Variants in MOV10L1 observed in about 807,000 individuals in gnomAD.
MOV10L1 encodes the protein RNA helicase Mov10l1.
Under a neutral mutation model 143.8 loss-of-function variants are expected in MOV10L1, and 110 were observed. That is an observed-to-expected ratio of 0.76 (90% CI 0.66 to 0.90). The LOEUF (loss-of-function observed/expected upper bound fraction) is 0.90. Ranked by LOEUF, MOV10L1 falls within the 40% of genes least tolerant of loss-of-function variation. The pLI, the probability that MOV10L1 is intolerant of heterozygous loss-of-function variation, is 0.00. For missense variants in MOV10L1, 1,406 were observed against 1,526.8 expected (o/e 0.92, Z 1.32); for synonymous variants, 593 against 581.1 (o/e 1.02, Z -0.29).
chr22:50,099,036 T>A (rs889791902), intron 2 of MOV10L1, among the ~76,000 whole-genome samples: 3 of 152,240 alleles, frequency 2.0e-5, no homozygotes, highest in Admixed American at 2.0e-4. Context: ...TATAATCCTT[T>A]TAATATGCTG....
chr22:50,128,470 A>G lies in MOV10L1; in HGVS notation c.1873A>G (p.Asn625Asp), dbSNP rs2062576738. Reference protein sequence around the residue: ...KINPEFEQAYNFEPMDVEFTY... With the variant: ...KINPEFEQAYDFEPMDVEFTY... ...TAATCCAGAATTTGAACAAGCCTATAACTTTGAACCTATGGATGTGGAATT... is the reference window on the plus strand; with the variant it reads ...TAATCCAGAATTTGAACAAGCCTATGACTTTGAACCTATGGATGTGGAATT... Residue 625 changes from asparagine (N) to aspartate (D), a missense_variant, in exon 13 of 27, where the codon AAC becomes GAC. Around this residue, in one of 3 missense-constraint regions of MOV10L1, gnomAD observed 1,233 missense variants for 1,351.4 expected, o/e 0.91. Coordinates refer to ENST00000262794, the MANE Select transcript of MOV10L1 (RefSeq NM_018995.3). The G allele has an allele frequency of 1.3e-6, 2 of 1,559,864 alleles. No individual in the cohort carries two copies. The highest frequency in any genetic ancestry group is 1.8e-6 in the Non-Finnish European group (2 of 1,134,724).
At chr22:50,150,549 G>A (rs972925547) in intron 20 of MOV10L1, among the ~76,000 whole-genome samples, 186 bp from the exon 21 acceptor site, 1 of 152,230 alleles carries the variant, frequency 6.6e-6, no homozygotes, top group African/African-American at 2.4e-5. Context: ...CAGGACTTCA[G>A]GGGGAAGCGG....
chr22:50,150,941 A>G (rs1385815013), intron 21 of MOV10L1, 42 bp downstream of exon 21: 3 of 1,611,850 alleles, frequency 1.9e-6, no homozygotes, highest in South Asian at 1.1e-5. Context: ...CCAGCTAAGC[A>G]GACACAGGCT....
intron 24 of MOV10L1, among the ~76,000 whole-genome samples, chr22:50,160,292 G>T (rs2147036126): frequency 6.7e-6 from 1 of 148,810 alleles, no homozygotes; most frequent in South Asian, 2.1e-4. Context: ...TGTCGCCCAG[G>T]CTGGAGTGCA....
At position 50,115,117 on chromosome 22, in the gene MOV10L1, A is replaced by C. The variant is rs1408249874; in HGVS notation, c.1130A>C (p.Asp377Ala). 1.9e-6 allele frequency: 3 copies of C among 1,566,982 alleles called. No homozygotes were observed. Among genetic ancestry groups the C allele is most frequent in the Non-Finnish European group, 2.6e-6 (3 of 1,165,512 alleles). ...GTATTAAAATTTTATTTCCCAGGTG[A>C]TTGTACCTGTAAAGGAGAAAATGGA... ...LVNNRGISPG[D>A]CTCKGENGEK... The change falls in exon 8 of 27, where the codon GAT (aspartate) becomes GCT (alanine). Residue 377 changes from aspartate (D) to alanine (A), a missense_variant. By Grantham distance (126) the Asp-to-Ala change is moderately radical. Around this residue, in one of 3 missense-constraint regions of MOV10L1, gnomAD observed 1,233 missense variants for 1,351.4 expected, o/e 0.91. Transcript: ENST00000262794.
Position 50,099,551 on chromosome 22 carries a change from G to A in MOV10L1, c.391G>A (p.Ala131Thr), listed in dbSNP as rs140532446. Residue 131 changes from alanine to threonine, a missense_variant, in exon 3 of 27, where the codon GCA becomes ACA. By Grantham distance (58) the Ala-to-Thr change is moderately conservative (BLOSUM62 0). Transcript: ENST00000262794. ...CTGTGTGACTTCCCTGGTGGAGGGC[G>A]CAGGCTGTATCAGTCAGACCACCTA... is the stretch of plus-strand genomic sequence containing the variant. ...IGCVTSLVEG[A>T]GCISQTTYFS... 6.1e-3 allele frequency: 9,924 copies of A among 1,614,188 alleles called. 56 individuals are homozygous for A. The highest frequency in any genetic ancestry group is 0.012 in the South Asian group (1,079 of 91,074).
chr22:50,125,504 G>A lies in MOV10L1; in HGVS notation c.1682G>A (p.Arg561Lys). ...AACATGAGCGGGATCATCTTAAGAA[G>A]GAATGGGGATCTGCTGGTTCTGGAG... ...EYNMSGIILR[R>K]NGDLLVLEVP... The change falls in exon 11 of 27, where the codon AGG becomes AAG. Residue 561 changes from arginine (R) to lysine (K), a missense_variant. Arg to Lys is a conservative substitution (Grantham distance 26). This residue lies in a region of MOV10L1 where 1,233 missense variants were observed against 1,351.4 expected (regional missense o/e 0.91). Transcript: ENST00000262794. The A allele has an allele frequency of 6.2e-7, 1 of 1,614,200 alleles. No homozygotes were observed. The highest frequency in any genetic ancestry group is 8.5e-7 in the Non-Finnish European group (1 of 1,180,036).
In MOV10L1 at chr22:50,145,558, G is replaced by A; in HGVS notation, c.2506-131G>A. The A allele has an allele frequency of 2.6e-6, 3 of 1,154,294 alleles. No individual in the cohort carries two copies. The East Asian group carries it at 7.2e-5, about 28-fold the overall frequency. 71.5% of individuals were successfully genotyped at this position (1,154,294 alleles called of 1,614,324 possible). ...GGACTGAATTGATAAGGAAGTATGA[G>A]ATATTTTGAGAAAAAAACCTTAAAT... On this transcript the variant is annotated intron_variant, in intron 18 of 26. Transcript: ENST00000262794.
intron 22 of MOV10L1, among the ~76,000 whole-genome samples, chr22:50,154,297 C>T (rs996889051): frequency 6.6e-6 from 1 of 152,152 alleles, no homozygotes; most frequent in Non-Finnish European, 1.5e-5. Context: ...AGGGGCTCAC[C>T]TGTAACCCCA....
intron 19 of MOV10L1, among the ~76,000 whole-genome samples, chr22:50,148,933 G>C (rs1461973090): frequency 6.6e-6 from 1 of 152,186 alleles, no homozygotes; most frequent in Non-Finnish European, 1.5e-5. Flanking sequence ...CAAAGTGCTG[G>C]CATTACAGGC....
intron 16 of MOV10L1, among the ~76,000 whole-genome samples, chr22:50,142,553 G>A (rs1569031648): frequency 6.6e-6 from 1 of 152,064 alleles, no homozygotes; most frequent in South Asian, 2.1e-4. Context: ...GACAGGTTGA[G>A]TGCAGGGCTC....
intron 6 of MOV10L1, 87 bp downstream of exon 6, chr22:50,113,875 C>T (rs970140067): frequency 6.7e-5 from 66 of 981,116 alleles, no homozygotes; most frequent in South Asian, 5.2e-4. Flanking sequence ...ACCAACTTTA[C>T]TTTGGTCATT....
intron 15 of MOV10L1, among the ~76,000 whole-genome samples, chr22:50,141,643 G>T (rs937571080): frequency 6.6e-6 from 1 of 152,016 alleles, no homozygotes; most frequent in Non-Finnish European, 1.5e-5. Context: ...CCGGCCTGGT[G>T]CAGGATCTTG....
In MOV10L1 at chr22:50,120,567, G is replaced by C. The variant is rs765107027; in HGVS notation, c.1520G>C (p.Cys507Ser). 6.2e-7 allele frequency: 1 copy of C among 1,613,828 alleles called. No homozygotes were observed. The highest frequency in any genetic ancestry group is 8.5e-7 in the Non-Finnish European group (1 of 1,179,848). ...CCAATCCCAGATAGACTTAGAAAAT[G>C]TGTGGAACAAAAAATTGACATCCTG... is the stretch of plus-strand genomic sequence containing the variant. ...QYPIPDRLRK[C>S]VEQKIDILTF... The change falls in exon 10 of 27, where the codon TGT (cysteine) becomes TCT (serine). Residue 507 changes from cysteine (C) to serine (S), a missense_variant. Cys to Ser is a moderately radical substitution (Grantham distance 112, BLOSUM62 -1). Transcript: ENST00000262794.
At chr22:50,141,495 ATTT>A (rs56881561) in intron 15 of MOV10L1, among the ~76,000 whole-genome samples, 3 of 138,146 alleles carry the variant, frequency 2.2e-5, no homozygotes, top group African/African-American at 5.3e-5. Flanking sequence ...TGCCCGGCTA[ATTT>A]TTTTTTTTTT....
chr22:50,148,582 C>G (rs927116344), intron 19 of MOV10L1, among the ~76,000 whole-genome samples: 1 of 152,080 alleles, frequency 6.6e-6, no homozygotes, highest in African/African-American at 2.4e-5. Flanking sequence ...GAGGGCTGCT[C>G]TGTAGCTGGG....
At chr22:50,154,827 G>A (rs548754384) in intron 22 of MOV10L1, among the ~76,000 whole-genome samples, 5 of 152,170 alleles carry the variant, frequency 3.3e-5, no homozygotes, top group Non-Finnish European at 5.9e-5. Flanking sequence ...ATACTGTCAT[G>A]TGTATTAGTC....
rs1044369000 is a variant in MOV10L1 at position 50,152,836 on chromosome 22, A to T, written c.2893-209A>T. 2.0e-5 allele frequency among the ~76,000 whole-genome samples: 3 copies of T among 151,966 alleles called. No homozygotes were observed. Among genetic ancestry groups the T allele is most frequent in the Non-Finnish European group, 4.4e-5 (3 of 67,992 alleles). On this transcript the variant is annotated intron_variant, in intron 21 of 26. Transcript: ENST00000262794. This position sits in a 1 kb window ranked among gnomAD's most constrained non-coding sequence, Gnocchi z 4.4. ...CAGCCGTCACACCCTTTTCTTCCTG[A>T]TGTTTCCATTTTCTATTCAGATGGA...
Position 50,161,592 on chromosome 22 carries a change from AGCT to A in MOV10L1, c.*152_*154del. On this transcript the variant is annotated 3_prime_UTR_variant, in exon 27 of 27. Coordinates refer to ENST00000262794, the MANE Select transcript of MOV10L1 (RefSeq NM_018995.3). ...GGTGTGGGGCTGCCAGGTTGGACGCAGCTGCTGCTGCCCTGACTTTGGCATATG... is the reference window on the plus strand; with the variant it reads ...GGTGTGGGGCTGCCAGGTTGGACGCAGCTGCTGCCCTGACTTTGGCATATG... 1 of 783,858 alleles carries A rather than the reference AGCT, an allele frequency of 1.3e-6. No homozygotes were observed. The highest frequency in any genetic ancestry group is 2.0e-6 in the Non-Finnish European group (1 of 504,618). The allele number at this position is 783,858 out of a possible 1,614,324, so 48.6% of individuals were successfully genotyped here.
Sources: gnomAD v4.1 joint callset for allele counts (sites outside exome capture counted in the v4.1 genomes callset) on GRCh38, gnomAD v4.1.1 for gene constraint, gnomAD v4.1.1 regional missense constraint, Gnocchi (gnomAD v3.1) non-coding constraint, MANE v1.5 for transcripts, NCBI Gene and HGNC (gene_info 2026-07-23, HGNC 2026-07-21) for gene names.